Variants in YWHAB observed in about 807,000 individuals in gnomAD.
YWHAB encodes 14-3-3 protein beta/alpha.
YWHAB carries 2 observed loss-of-function variants against 28.5 expected under a neutral mutation model. The observed-to-expected ratio is 0.07, with a 90% CI of 0.03 to 0.22. The LOEUF is 0.22. Ranked by LOEUF, YWHAB falls within the 10% of genes least tolerant of loss-of-function variation. The pLI is 1.00. For synonymous variants in YWHAB, 103 were observed against 104.7 expected (o/e 0.98, Z 0.10); for missense variants, 148 against 297.1 (o/e 0.50, Z 3.69).
chr20:44,891,934 C>T (rs1473751117), intron 1 of YWHAB, among the ~76,000 whole-genome samples: 6 of 152,206 alleles, frequency 3.9e-5, no homozygotes, highest in Admixed American at 3.9e-4. Context: ...GGCACACAGA[C>T]AGTTTTATAG....
rs561175593 is a variant in YWHAB, at chr20:44,890,761, G to A, written c.-4+4875G>A. Among the ~76,000 whole-genome samples the A allele has an allele frequency of 6.7e-4, 101 of 151,798 alleles. 2 individuals carry two copies. In the South Asian group the frequency reaches 0.018, roughly 26 times the overall value. The stretch of plus-strand genomic sequence containing the variant: ...CCTGACCTTGCGATCCACCTGCCTC[G>A]GCCTCCCAAAGTGCTGGGATTACAG... On this transcript the variant is annotated intron_variant, in intron 1 of 5. Transcript: ENST00000353703.
chr20:44,906,253 A>T (rs920540098), intron 5 of YWHAB, 129 bp from the exon 6 acceptor site: 90 of 1,170,838 alleles, frequency 7.7e-5, no homozygotes, highest in Admixed American at 1.5e-4. Flanking sequence ...GACCTTTGCA[A>T]TCATCCCTGT....
At chr20:44,888,054 C>G (rs1185414017) in intron 1 of YWHAB, among the ~76,000 whole-genome samples, 1 of 152,138 alleles carries the variant, frequency 6.6e-6, no homozygotes, top group Admixed American at 6.5e-5. Context: ...ATTTTCTCGT[C>G]TATATAGCAC....
At chr20:44,890,433 C>T (rs956320376) in intron 1 of YWHAB, among the ~76,000 whole-genome samples, 27 of 151,134 alleles carry the variant, frequency 1.8e-4, no homozygotes, top group African/African-American at 6.6e-4. Context: ...GTTGATCAAG[C>T]AGTCACTCAG....
At chr20:44,905,795 T>G in intron 4 of YWHAB, 1 of 498,370 alleles carries the variant, frequency 2.0e-6, no homozygotes. Context: ...AGTTCTTACC[T>G]TGGAGTTTCT....
At chr20:44,891,213 G>A (rs2066559808) in intron 1 of YWHAB, among the ~76,000 whole-genome samples, 1 of 150,712 alleles carries the variant, frequency 6.6e-6, no homozygotes, top group Non-Finnish European at 1.5e-5. Flanking sequence ...CTGCCTTCAG[G>A]CTGCCTCAGC....
At chr20:44,905,310 C>T (rs2066649721) in intron 4 of YWHAB, 179 bp downstream of exon 4, 10 of 526,114 alleles carry the variant, frequency 1.9e-5, no homozygotes, top group Non-Finnish European at 2.5e-5. Flanking sequence ...ATTCTCAATA[C>T]CTTCTGCTGA....
intron 1 of YWHAB, among the ~76,000 whole-genome samples, chr20:44,888,070 G>A (rs920269514): frequency 1.3e-5 from 2 of 152,290 alleles, no homozygotes; most frequent in Non-Finnish European, 2.9e-5. Flanking sequence ...AGCACAAATG[G>A]TAATGCAGCT....
At chr20:44,904,162 T>A (rs1241931616) in intron 3 of YWHAB, 46 bp downstream of exon 3, 7 of 1,605,340 alleles carry the variant, frequency 4.4e-6, no homozygotes, top group Non-Finnish European at 5.9e-6. Context: ...ATGGAGCCAG[T>A]CTTCTTTCAC....
At chr20:44,901,298 C>G (rs1313557334) in intron 1 of YWHAB, among the ~76,000 whole-genome samples, 1 of 152,116 alleles carries the variant, frequency 6.6e-6, no homozygotes, top group Admixed American at 6.5e-5. Context: ...TATGAACATA[C>G]CTACTCTGGG....
intron 1 of YWHAB, chr20:44,887,415 G>A (rs900567622): frequency 6.6e-6 from 1 of 152,134 alleles, no homozygotes; most frequent in Non-Finnish European, 1.5e-5. Context: ...GAGGTGATTT[G>A]GCCTAGACTA....
chr20:44,901,992 TTG>T (rs1308284477), intron 2 of YWHAB, 159 bp downstream of exon 2: 3 of 738,756 alleles, frequency 4.1e-6, no homozygotes, highest in Non-Finnish European at 4.0e-6. Context: ...ATGATATAAT[TTG>T]TGTCACCTAT....
intron 1 of YWHAB, among the ~76,000 whole-genome samples, chr20:44,899,776 G>A (rs2066616239): frequency 1.3e-5 from 2 of 152,266 alleles, no homozygotes; most frequent in African/African-American, 4.8e-5. Context: ...TTGGCATATG[G>A]ATTTGATAAA....
chr20:44,904,864 T>C (rs2066647475), intron 3 of YWHAB, 104 bp from the exon 4 acceptor site: 1 of 1,175,588 alleles, frequency 8.5e-7, no homozygotes, highest in African/African-American at 1.6e-5. Context: ...GATAGGTCAT[T>C]GCTCCTGCCC....
chr20:44,892,870 G>A (rs571192588), intron 1 of YWHAB, among the ~76,000 whole-genome samples: 1 of 152,302 alleles, frequency 6.6e-6, no homozygotes, highest in South Asian at 2.1e-4. Flanking sequence ...TATTTTATAT[G>A]TATAGAGCTT....
chr20:44,892,035 T>C (rs2066565714), intron 1 of YWHAB, among the ~76,000 whole-genome samples: 1 of 152,214 alleles, frequency 6.6e-6, no homozygotes, highest in Non-Finnish European at 1.5e-5. Context: ...TCCCACTGAC[T>C]TTCTCAGTCC....
intron 1 of YWHAB, chr20:44,887,306 A>G (rs1331661081): frequency 1.3e-5 from 2 of 152,242 alleles, no homozygotes; most frequent in East Asian, 1.9e-4. Context: ...TGGAAGGCTA[A>G]TAATCCTGTA....
chr20:44,900,282 C>T (rs192546205), intron 1 of YWHAB, among the ~76,000 whole-genome samples: 1 of 152,272 alleles, frequency 6.6e-6, no homozygotes, highest in African/African-American at 2.4e-5. Context: ...TAATCTTGAA[C>T]TCTTGGGATC....
chr20:44,893,823 C>G (rs929248887), intron 1 of YWHAB, among the ~76,000 whole-genome samples: 2 of 151,644 alleles, frequency 1.3e-5, no homozygotes, highest in Non-Finnish European at 2.9e-5. Flanking sequence ...CTCAGCCTCC[C>G]GAGTAGCTGG....
Sources: allele counts gnomAD v4.1 joint callset (sites outside exome capture counted in the v4.1 genomes callset), GRCh38; gene constraint gnomAD v4.1.1; transcripts MANE v1.5; gene names NCBI Gene and HGNC (gene_info 2026-07-23, HGNC 2026-07-21).